Variants in PARP1 observed in about 807,000 individuals in gnomAD.
The protein encoded by PARP1 is poly [ADP-ribose] polymerase 1.
In PARP1, 44 loss-of-function variants were observed where a neutral mutation model predicts 118.7. The observed-to-expected ratio is 0.37, with a 90% CI of 0.29 to 0.48. PARP1 has a LOEUF of 0.48. PARP1 is among the 20% of genes least tolerant of loss of function. PARP1 has a pLI of 0.99. For missense variants in PARP1, 1,100 were observed against 1,272.4 expected (o/e 0.86, Z 2.06); for synonymous variants, 492 against 483.2 (o/e 1.02, Z -0.24).
chr1:226,397,645 G>A (rs1047224889), intron 2 of PARP1, among the ~76,000 whole-genome samples: 1 of 152,172 alleles, frequency 6.6e-6, no homozygotes, highest in African/African-American at 2.4e-5. Flanking sequence ...TGAAAAATGT[G>A]TAGCACCTCC....
chr1:226,401,964 A>G, intron 2 of PARP1: 1 of 1,444,088 alleles, frequency 6.9e-7, no homozygotes, highest in Non-Finnish European at 9.1e-7. Flanking sequence ...ACAAAAATAA[A>G]GTATATTAAA....
intron 5 of PARP1, among the ~76,000 whole-genome samples, chr1:226,387,221 G>A (rs1458476014): frequency 1.3e-5 from 2 of 152,156 alleles, no homozygotes; most frequent in Admixed American, 1.3e-4. Context: ...GGCCTCAAGT[G>A]ATCCGCCTGC....
At position 226,390,638 on chromosome 1, in the gene PARP1, C is replaced by T. The variant is rs1664806267; in HGVS notation, c.403-14G>A. 1 of 1,611,752 alleles carries T rather than the reference C, an allele frequency of 6.2e-7. No homozygotes were observed. The highest frequency in any genetic ancestry group is 1.3e-5 in the African/African-American group (1 of 74,872). On this transcript the variant is annotated splice_polypyrimidine_tract_variant and intron_variant, in intron 3 of 22. Transcript: ENST00000366794. ...GCGCACCTGGCCCTGCAGGAAAAAC[C>T]ATATGTGGTACCAAGGGAGCGACAA... is the stretch of plus-strand genomic sequence containing the variant.
At chr1:226,373,861 T>C (rs1664440934) in intron 14 of PARP1, among the ~76,000 whole-genome samples, 1 of 152,074 alleles carries the variant, frequency 6.6e-6, no homozygotes, top group African/African-American at 2.4e-5. Flanking sequence ...CTCACACCTA[T>C]ATTCCTAGCA....
intron 22 of PARP1, 64 bp downstream of exon 22, chr1:226,361,905 A>AT: frequency 1.0e-6 from 1 of 985,018 alleles, no homozygotes; most frequent in Non-Finnish European, 1.6e-6. Flanking sequence ...CTGACAGCAC[A>AT]TAAGTGACTC....
At chr1:226,380,668 C>T (rs1432665033) in intron 9 of PARP1, among the ~76,000 whole-genome samples, 1 of 152,168 alleles carries the variant, frequency 6.6e-6, no homozygotes, top group South Asian at 2.1e-4. Context: ...AGACCAGAAA[C>T]CTTTCAGACC....
At chr1:226,389,984 C>A (rs1161768179) in intron 4 of PARP1, among the ~76,000 whole-genome samples, 2 of 152,182 alleles carry the variant, frequency 1.3e-5, no homozygotes, top group African/African-American at 4.8e-5. Context: ...GAAAATTATC[C>A]ACTGCCCATC....
intron 11 of PARP1, 79 bp downstream of exon 11, chr1:226,379,494 G>T (rs1017322994): frequency 2.4e-6 from 3 of 1,234,410 alleles, no homozygotes; most frequent in Admixed American, 3.4e-5. Flanking sequence ...TATGCTGCGG[G>T]CATTTGGATG....
chr1:226,398,184 C>T (rs1343019684), intron 2 of PARP1, among the ~76,000 whole-genome samples: 1 of 152,150 alleles, frequency 6.6e-6, no homozygotes, highest in East Asian at 1.9e-4. Flanking sequence ...AAATTAAGAA[C>T]TTCTGCTCTG....
At chr1:226,368,729 C>T (rs990184791) in intron 15 of PARP1, among the ~76,000 whole-genome samples, 3 of 151,982 alleles carry the variant, frequency 2.0e-5, no homozygotes, top group Non-Finnish European at 2.9e-5. Flanking sequence ...GGTTGCCCAT[C>T]GCTATAAAAT....
Position 226,370,734 on chromosome 1 carries a change from C to G in PARP1, c.2071-217G>C, listed in dbSNP as rs1022669170. 6.1e-5 allele frequency: 37 copies of G among 610,346 alleles called. No individual in the cohort carries two copies. In the Admixed American group the frequency reaches 7.9e-4, roughly 13 times the overall value. The allele number at this position is 610,346 out of a possible 1,614,324, so 37.8% of individuals were successfully genotyped here. On this transcript the variant is annotated intron_variant, in intron 14 of 22. Transcript: ENST00000366794. ...TGAAGATTCTTGCTCACTTCCTTTACGGCTGGGCTTAGCCAACCATGTCTC... is the reference window on the plus strand; with the variant it reads ...TGAAGATTCTTGCTCACTTCCTTTAGGGCTGGGCTTAGCCAACCATGTCTC...
chr1:226,375,757 T>C (rs537953334), intron 13 of PARP1, among the ~76,000 whole-genome samples: 2 of 152,328 alleles, frequency 1.3e-5, no homozygotes, highest in African/African-American at 4.8e-5. Flanking sequence ...TAAAAAACTT[T>C]AAATGTATTG....
In PARP1 at chr1:226,402,239, C is replaced by T. The variant is rs1250658249; in HGVS notation, c.261G>A (p.Lys87=). ...LRWDDQQKVK[K]TAEAGGVTGK... ...CTGTCACTCCTCCAGCTTCCGCTGTCTTCTTGACTTTCTGCTGGTCATCCC... is the reference window on the plus strand; with the variant it reads ...CTGTCACTCCTCCAGCTTCCGCTGTTTTCTTGACTTTCTGCTGGTCATCCC... Residue 87 remains lysine, a synonymous_variant, in exon 2 of 23, where the codon AAG becomes AAA. Coordinates refer to ENST00000366794, the MANE Select transcript of PARP1 (RefSeq NM_001618.4). 6.2e-7 allele frequency: 1 copy of T among 1,614,212 alleles called. No homozygotes were observed. Among genetic ancestry groups the T allele is most frequent in the Non-Finnish European group, 8.5e-7 (1 of 1,180,042 alleles).
intron 13 of PARP1, 137 bp from the exon 14 acceptor site, chr1:226,374,491 A>G: frequency 1.0e-6 from 1 of 978,148 alleles, no homozygotes. Context: ...TTAATCAAAA[A>G]GGTGTGGAAA....
rs897837388 is a variant in PARP1 at position 226,360,707 on chromosome 1, A to G, written c.*753T>C. On this transcript the variant is annotated 3_prime_UTR_variant, in exon 23 of 23. Transcript: ENST00000366794. ...ATACACAAATAGAGAAGGCATCTGCATTTTTAATCGAGTATTACTATTAGC... is the reference window on the plus strand; with the variant it reads ...ATACACAAATAGAGAAGGCATCTGCGTTTTTAATCGAGTATTACTATTAGC... 8.1e-5 allele frequency: 18 copies of G among 222,530 alleles called. No individual in the cohort carries two copies. The highest frequency in any genetic ancestry group is 4.0e-4 in the African/African-American group (18 of 44,726). The allele number at this position is 222,530 out of a possible 1,614,324, so 13.8% of individuals were successfully genotyped here. A position where few individuals can be genotyped will look rare whatever the true frequency, so the allele number is the denominator to read the frequency against.
At chr1:226,366,092 C>T (rs1664260882) in intron 17 of PARP1, 40 bp from the exon 18 acceptor site, 1 of 1,356,670 alleles carries the variant, frequency 7.4e-7, no homozygotes, top group African/African-American at 1.4e-5. Context: ...AAAAGAGACC[C>T]AGGAGAGCTA....
rs748257011 is a variant in PARP1 at position 226,370,379 on chromosome 1, C to T, written c.2154+55G>A. ...TACCCCTGCCACCCCCAGGTCTCAC[C>T]CCCTAAGTCGGCCAGAGGAGGGTTC... On this transcript the variant is annotated intron_variant, in intron 15 of 22. Transcript: ENST00000366794. The T allele has an allele frequency of 2.3e-6, 3 of 1,301,562 alleles. No individual in the cohort carries two copies. In the African/African-American group the frequency reaches 4.4e-5, roughly 19 times the overall value. 80.6% of individuals were successfully genotyped at this position (1,301,562 alleles called of 1,614,324 possible). A position where few individuals can be genotyped will look rare whatever the true frequency, so the allele number is the denominator to read the frequency against.
In PARP1 at chr1:226,361,389, G is replaced by GA. The variant is rs2102724504; in HGVS notation, c.*70dup. 1 of 957,930 alleles carries GA rather than the reference G, an allele frequency of 1.0e-6. No individual in the cohort carries two copies. The highest frequency in any genetic ancestry group is 2.5e-5 in the East Asian group (1 of 40,468). 59.3% of individuals were successfully genotyped at this position (957,930 alleles called of 1,614,324 possible). A position where few individuals can be genotyped will look rare whatever the true frequency, so the allele number is the denominator to read the frequency against. Reference sequence around the variant, plus strand: ...CCCATCAGCAACTTAGCGGCCAGGTGAGTTGGTGCAGAAGCGCTTCGGGTG... The same window carrying GA: ...CCCATCAGCAACTTAGCGGCCAGGTGAAGTTGGTGCAGAAGCGCTTCGGGTG... On this transcript the variant is annotated 3_prime_UTR_variant, in exon 23 of 23. Transcript: ENST00000366794.
intron 2 of PARP1, among the ~76,000 whole-genome samples, chr1:226,395,632 G>C (rs144002877): frequency 0.025 from 3,840 of 152,144 alleles, 75 homozygotes; most frequent in Non-Finnish European, 0.034. Context: ...GCAAGAGTGA[G>C]ACTCTGTCTC....
Sources: allele counts gnomAD v4.1 joint callset (sites outside exome capture counted in the v4.1 genomes callset), GRCh38; gene constraint gnomAD v4.1.1; transcripts MANE v1.5; gene names NCBI Gene and HGNC (gene_info 2026-07-23, HGNC 2026-07-21).